TMEM170A: variants seen among roughly 807,000 people sequenced by gnomAD.
The protein encoded by TMEM170A is transmembrane protein 170A.
TMEM170A carries 18 observed loss-of-function variants against 12.8 expected under a neutral mutation model. That is an observed-to-expected ratio of 1.41 (90% CI 0.97 to 2.09). The LOEUF (loss-of-function observed/expected upper bound fraction) is 2.09. Among genes scored for constraint, TMEM170A ranks in the 30% most tolerant of loss-of-function variants. The pLI, the probability that TMEM170A is intolerant of heterozygous loss-of-function variation, is 0.00. For missense variants in TMEM170A, 220 were observed against 179.9 expected (o/e 1.22, Z -1.28); for synonymous variants, 107 against 76.2 (o/e 1.40, Z -2.11).
In TMEM170A at chr16:75,464,624, A is replaced by G. The variant is rs1450479601; in HGVS notation, c.-24T>C. 4 of 1,565,314 alleles carry G rather than the reference A, an allele frequency of 2.6e-6. No homozygotes were observed. The highest frequency in any genetic ancestry group is 3.8e-5 in the Admixed American group (2 of 52,000). On this transcript the variant is annotated 5_prime_UTR_variant, in exon 1 of 3. Coordinates refer to ENST00000561878, the MANE Select transcript of TMEM170A (RefSeq NM_145254.3). ...ATCCCGTCGCCATTCACCACAGAGA[A>G]ATGAGGGACGAGCGCCCGAAGTGCG...
At chr16:75,463,108 A>G (rs914820553) in intron 1 of TMEM170A, among the ~76,000 whole-genome samples, 2 of 152,326 alleles carry the variant, frequency 1.3e-5, no homozygotes, top group Admixed American at 6.5e-5. Flanking sequence ...AAGAATCAAA[A>G]TATTACTGAG....
rs764477818 is a variant in TMEM170A, at chr16:75,464,467, C to T, written c.133+1G>A. 6.6e-7 allele frequency: 1 copy of T among 1,508,168 alleles called. No homozygotes were observed. The highest frequency in any genetic ancestry group is 8.8e-7 in the Non-Finnish European group (1 of 1,132,504). The allele number at this position is 1,508,168 out of a possible 1,614,324, so 93.4% of individuals were successfully genotyped here. ...GTGCGCAGGCGCGGGGCGGGCCGTA[C>T]CTGGGAAGGAGCAGAGGGAAGTAGA... is the stretch of plus-strand genomic sequence containing the variant. On this transcript the variant is annotated splice_donor_variant, in intron 1 of 2. Coordinates refer to ENST00000561878, the MANE Select transcript of TMEM170A (RefSeq NM_145254.3). LOFTEE classifies it high-confidence loss of function.
At chr16:75,455,356 CA>C (rs59205915) in intron 1 of TMEM170A, among the ~76,000 whole-genome samples, 27,411 of 110,434 alleles carry the variant, frequency 0.25, 2,644 homozygotes, top group East Asian at 0.39. Context: ...GACACTGTCT[CA>C]AAAAAAAAAA....
At chr16:75,452,631 G>C (rs1311779169) in intron 1 of TMEM170A, 6 of 151,854 alleles carry the variant, frequency 4.0e-5, no homozygotes, top group African/African-American at 1.5e-4. Context: ...TTAGAGATGG[G>C]GTCTCACCGT....
At chr16:75,464,174 A>C (rs1382105885) in intron 1 of TMEM170A, 3 of 1,474,028 alleles carry the variant, frequency 2.0e-6, no homozygotes, top group Non-Finnish European at 1.8e-6. Flanking sequence ...GGCGCTCGGA[A>C]GCTCAAGGCC....
rs1001211285 is a variant in TMEM170A, at chr16:75,444,606, C to A, written c.*2952G>T. 6.6e-6 allele frequency: 1 copy of A among 152,094 alleles called. No homozygotes were observed. Among genetic ancestry groups the A allele is most frequent in the Admixed American group, 6.6e-5 (1 of 15,258 alleles). 9.4% of individuals were successfully genotyped at this position (152,094 alleles called of 1,614,324 possible). A position where few individuals can be genotyped will look rare whatever the true frequency, so the allele number is the denominator to read the frequency against. On this transcript the variant is annotated 3_prime_UTR_variant, in exon 3 of 3. Coordinates refer to ENST00000561878, the MANE Select transcript of TMEM170A (RefSeq NM_145254.3). ...TCTGAGTGACCACCCCCAAATAATT[C>A]TATATTTGAGACATAAAAAAGAAAA... is the stretch of plus-strand genomic sequence containing the variant.
At chr16:75,447,746 C>T (rs369731767) in intron 2 of TMEM170A, 58 bp from the exon 3 acceptor site, 12 of 1,526,898 alleles carry the variant, frequency 7.9e-6, no homozygotes, top group Admixed American at 4.3e-5. Context: ...AACAAACTCA[C>T]GAAAATACAA....
chr16:75,456,276 G>C (rs1252249049), intron 1 of TMEM170A, among the ~76,000 whole-genome samples: 1 of 152,020 alleles, frequency 6.6e-6, no homozygotes, highest in East Asian at 1.9e-4. Flanking sequence ...GCCCCAATTA[G>C]GTCTCAATGC....
chr16:75,451,714 G>GGAT lies in TMEM170A; in HGVS notation c.256_258dup (p.Ile86dup). ...ATTGGTCCCACGATGCCCATCAACA[G>GGAT]GATGCTTACAGACATGAACCTACCA... On this transcript the variant is annotated inframe_insertion, in exon 2 of 3. Transcript: ENST00000561878. The GGAT allele has an allele frequency of 6.2e-7, 1 of 1,614,158 alleles. No individual in the cohort carries two copies.
intron 1 of TMEM170A, among the ~76,000 whole-genome samples, chr16:75,460,396 T>C (rs1305590674): frequency 6.6e-6 from 1 of 152,064 alleles, no homozygotes; most frequent in Non-Finnish European, 1.5e-5. Flanking sequence ...TACCCTCCCC[T>C]CCTCCTCTGT....
chr16:75,447,008 T>G lies in TMEM170A; in HGVS notation c.*550A>C, dbSNP rs2079598099. ...AGTGGAACCAAAGCCACTACTTGAG[T>G]TATACTTAAATTTTTTTTCCTGCTT... On this transcript the variant is annotated 3_prime_UTR_variant, in exon 3 of 3. Coordinates refer to ENST00000561878, the MANE Select transcript of TMEM170A (RefSeq NM_145254.3). 1.3e-5 allele frequency: 2 copies of G among 152,174 alleles called. No individual in the cohort carries two copies. Among genetic ancestry groups the G allele is most frequent in the South Asian group, 4.1e-4 (2 of 4,828 alleles). The allele number at this position is 152,174 out of a possible 1,614,324, so 9.4% of individuals were successfully genotyped here. A position where few individuals can be genotyped will look rare whatever the true frequency, so the allele number is the denominator to read the frequency against.
chr16:75,463,442 G>A (rs12448829), intron 1 of TMEM170A, among the ~76,000 whole-genome samples: 91,627 of 151,368 alleles, frequency 0.61, 28,267 homozygotes, highest in Admixed American at 0.71. Context: ...AATCCCGTCC[G>A]GGAAAATCCC....
intron 1 of TMEM170A, among the ~76,000 whole-genome samples, chr16:75,453,097 G>GA (rs148453326): frequency 0.028 from 4,255 of 151,414 alleles, 189 homozygotes; most frequent in African/African-American, 0.094. Context: ...CCCTCAAACT[G>GA]AAAAAAAAGG....
chr16:75,449,726 A>C (rs1295141969), intron 2 of TMEM170A, among the ~76,000 whole-genome samples: 1 of 152,216 alleles, frequency 6.6e-6, no homozygotes, highest in African/African-American at 2.4e-5. Context: ...TAAAATGCCC[A>C]GCTCCACTGG....
chr16:75,456,678 C>A (rs1181798609), intron 1 of TMEM170A, among the ~76,000 whole-genome samples: 2 of 152,240 alleles, frequency 1.3e-5, no homozygotes, highest in African/African-American at 4.8e-5. Context: ...CGCACCCTCC[C>A]TGGCTGGCAG....
intron 1 of TMEM170A, among the ~76,000 whole-genome samples, chr16:75,461,738 A>G (rs1372560024): frequency 6.6e-6 from 1 of 152,214 alleles, no homozygotes; most frequent in African/African-American, 2.4e-5. Flanking sequence ...TGCTCATAAC[A>G]CCAGACCAGA....
At chr16:75,458,619 T>A (rs910389718) in intron 1 of TMEM170A, 2 of 152,236 alleles carry the variant, frequency 1.3e-5, no homozygotes, top group Non-Finnish European at 2.9e-5. Flanking sequence ...ACAGCCCTGC[T>A]AAACCTTGGT....
At chr16:75,457,907 T>C (rs1190538223) in intron 1 of TMEM170A, among the ~76,000 whole-genome samples, 1 of 152,206 alleles carries the variant, frequency 6.6e-6, no homozygotes, top group Non-Finnish European at 1.5e-5. Context: ...AGGTTTATTA[T>C]AGATGAGTAG....
At chr16:75,461,494 T>C (rs898925466) in intron 1 of TMEM170A, among the ~76,000 whole-genome samples, 5 of 152,256 alleles carry the variant, frequency 3.3e-5, no homozygotes, top group Non-Finnish European at 5.9e-5. Context: ...GATTCTGCCA[T>C]AATGAGTTGG....
Sources: gnomAD v4.1 joint callset for allele counts (sites outside exome capture counted in the v4.1 genomes callset) on GRCh38, gnomAD v4.1.1 for gene constraint, MANE v1.5 for transcripts, NCBI Gene and HGNC (gene_info 2026-07-23, HGNC 2026-07-21) for gene names.